SYT16: variants seen among roughly 807,000 people sequenced by gnomAD.
The protein encoded by SYT16 is synaptotagmin 16, also known as synaptotagmin-16.
In SYT16, 42 loss-of-function variants were observed where a neutral mutation model predicts 61.4. The ratio of observed to expected loss-of-function variants is 0.68; its 90% CI spans 0.53 to 0.89. The LOEUF (loss-of-function observed/expected upper bound fraction) is 0.89, where lower values mean the gene tolerates loss of function less well. Among genes scored for constraint, SYT16 ranks in the 40% least tolerant of loss-of-function variants. The pLI, the probability that SYT16 is intolerant of heterozygous loss-of-function variation, is 0.00. For synonymous variants in SYT16, 314 were observed against 302.3 expected, an observed-to-expected ratio of 1.04 and a Z score of -0.40; for missense variants, 804 against 807.3, an observed-to-expected ratio of 1.00 and a Z score of 0.05.
At chr14:61,816,004 C>A (rs1250277706) in intron 1 of SYT16, among the ~76,000 whole-genome samples, 1 of 152,182 alleles carries the variant, frequency 6.6e-6, no homozygotes, top group Non-Finnish European at 1.5e-5. Context: ...CTCTATTATA[C>A]CCCAGAAATC....
intron 1 of SYT16, among the ~76,000 whole-genome samples, chr14:61,891,069 T>A (rs1275391650): frequency 6.6e-6 from 1 of 152,208 alleles, no homozygotes; most frequent in Non-Finnish European, 1.5e-5. Flanking sequence ...GGCTTTTGGC[T>A]AAGGTACTTT....
In SYT16 at chr14:62,017,518, G is replaced by A. The variant is rs2053738065; in HGVS notation, c.523+20976G>A. Among the ~76,000 whole-genome samples the A allele has an allele frequency of 2.0e-5, 3 of 152,080 alleles. No individual in the cohort carries two copies. In the South Asian group the frequency reaches 6.2e-4, roughly 32 times the overall value. On this transcript the variant is annotated intron_variant, in intron 3 of 7. Transcript: ENST00000683842. ...AAAATCCTGTGCTTTCCACAATTAT[G>A]CTTATCTCTAAATAGCAACTTCATT...
chr14:61,864,362 C>T (rs868327509), intron 1 of SYT16, among the ~76,000 whole-genome samples: 3 of 152,342 alleles, frequency 2.0e-5, no homozygotes, highest in East Asian at 3.9e-4. Flanking sequence ...CGCGGAAGGC[C>T]GCTGTGTTCC....
At chr14:61,986,943 A>G (rs550379200) in intron 2 of SYT16, among the ~76,000 whole-genome samples, 1 of 152,316 alleles carries the variant, frequency 6.6e-6, no homozygotes, top group Non-Finnish European at 1.5e-5. Flanking sequence ...AAAGACAACA[A>G]TTAACCTACT....
At chr14:62,058,657 C>A (rs1317829855) in intron 3 of SYT16, among the ~76,000 whole-genome samples, 1 of 152,092 alleles carries the variant, frequency 6.6e-6, no homozygotes, top group African/African-American at 2.4e-5. Flanking sequence ...AGCCACCATG[C>A]CTGGCCTAAA....
At chr14:62,042,668 C>T (rs1413817715) in intron 3 of SYT16, among the ~76,000 whole-genome samples, 1 of 152,180 alleles carries the variant, frequency 6.6e-6, no homozygotes. Flanking sequence ...ATGTATTGAT[C>T]AGTATTCCGC....
At chr14:62,015,380 T>C (rs1279255798) in intron 3 of SYT16, among the ~76,000 whole-genome samples, 4 of 152,104 alleles carry the variant, frequency 2.6e-5, no homozygotes, top group Non-Finnish European at 5.9e-5. Context: ...CCAGTGTAAA[T>C]ATCCTATAAA....
chr14:61,971,664 G>A (rs1276248717), intron 2 of SYT16, among the ~76,000 whole-genome samples: 1 of 152,220 alleles, frequency 6.6e-6, no homozygotes, highest in Non-Finnish European at 1.5e-5. Flanking sequence ...TTTTTGAGGG[G>A]AAGAGTATCA....
At chr14:61,847,230 A>C (rs1412959068) in intron 1 of SYT16, among the ~76,000 whole-genome samples, 1 of 152,178 alleles carries the variant, frequency 6.6e-6, no homozygotes, top group Admixed American at 6.5e-5. Flanking sequence ...CTTGTTGGAC[A>C]GGTCTGGTGT....
At chr14:62,044,464 C>A (rs187201323) in intron 3 of SYT16, among the ~76,000 whole-genome samples, 1 of 152,070 alleles carries the variant, frequency 6.6e-6, no homozygotes, top group Admixed American at 6.5e-5. Flanking sequence ...CTCCCCACCC[C>A]CAACAGGCCC....
chr14:62,011,331 T>C (rs899506430), intron 3 of SYT16, among the ~76,000 whole-genome samples: 19 of 152,230 alleles, frequency 1.2e-4, no homozygotes, highest in Non-Finnish European at 2.6e-4. Flanking sequence ...TGTGGTCAGA[T>C]GGTTACCAGA....
At chr14:61,823,048 A>G (rs555941995) in intron 1 of SYT16, among the ~76,000 whole-genome samples, 48 of 152,174 alleles carry the variant, frequency 3.2e-4, no homozygotes, top group African/African-American at 1.1e-3. Flanking sequence ...GTTGGAGTGC[A>G]GTAGCACGAT....
At chr14:62,033,838 A>T (rs929031404) in intron 3 of SYT16, among the ~76,000 whole-genome samples, 8 of 152,132 alleles carry the variant, frequency 5.3e-5, no homozygotes, top group African/African-American at 1.9e-4. Flanking sequence ...ACAAGTGACA[A>T]AACAAAAAAT....
In SYT16 at chr14:62,080,935, G is replaced by A. The variant is rs1449377079; in HGVS notation, c.1095G>A (p.Gln365=). 1 of 1,610,798 alleles carries A rather than the reference G, an allele frequency of 6.2e-7. No individual in the cohort carries two copies. The highest frequency in any genetic ancestry group is 1.7e-5 in the Admixed American group (1 of 59,592). ...DVIFEYRAAS[Q]KLTVTIVRAQ... is the part of the protein sequence containing the mutation. The stretch of plus-strand genomic sequence containing the variant: ...TCTTTGAATATAGAGCCGCCAGCCA[G>A]AAGCTCACAGTGACCATTGTGAGGG... Residue 365 remains glutamine, a synonymous_variant, in exon 6 of 8, where the codon CAG becomes CAA. Transcript: ENST00000683842.
intron 1 of SYT16, among the ~76,000 whole-genome samples, chr14:61,936,575 A>G (rs369356868): frequency 1.3e-5 from 2 of 152,166 alleles, no homozygotes; most frequent in Admixed American, 6.5e-5. Context: ...CCGAGATTCC[A>G]TAGAGAATTT....
At position 62,106,813 on chromosome 14, in the gene SYT16, C is replaced by T. The variant is rs928324825; in HGVS notation, c.*6106C>T. On this transcript the variant is annotated 3_prime_UTR_variant, in exon 8 of 8. Transcript: ENST00000683842. ...CAGACAATAATCACCTTATTTATAT[C>T]CACTGTGGAACCTGTGAAACAGCTC... is the stretch of plus-strand genomic sequence containing the variant. The T allele has an allele frequency of 3.3e-5, 5 of 152,038 alleles. No individual in the cohort carries two copies. Among genetic ancestry groups the T allele is most frequent in the Non-Finnish European group, 7.4e-5 (5 of 67,998 alleles). 9.4% of individuals were successfully genotyped at this position (152,038 alleles called of 1,614,324 possible).
chr14:62,078,892 T>C (rs1410131739), intron 5 of SYT16, among the ~76,000 whole-genome samples: 1 of 152,198 alleles, frequency 6.6e-6, no homozygotes, highest in East Asian at 1.9e-4. Flanking sequence ...TTAGAGCCCA[T>C]ATAGGCTGTG....
At chr14:61,937,562 G>A (rs2050031337) in intron 1 of SYT16, among the ~76,000 whole-genome samples, 1 of 152,186 alleles carries the variant, frequency 6.6e-6, no homozygotes, top group Non-Finnish European at 1.5e-5. Context: ...AATTATCTCA[G>A]GACCAGTCAG....
At chr14:61,842,098 A>C (rs920797292) in intron 1 of SYT16, among the ~76,000 whole-genome samples, 1 of 152,202 alleles carries the variant, frequency 6.6e-6, no homozygotes, top group Non-Finnish European at 1.5e-5. Context: ...GAGAGGTTTC[A>C]GTACAGCCAT....
Sources: allele counts gnomAD v4.1 joint callset (sites outside exome capture counted in the v4.1 genomes callset), GRCh38; gene constraint gnomAD v4.1.1; transcripts MANE v1.5; gene names NCBI Gene and HGNC (gene_info 2026-07-23, HGNC 2026-07-21).